Variants in MCTP2 observed in about 807,000 individuals in gnomAD.
MCTP2 encodes the protein multiple C2 and transmembrane domain-containing protein 2.
Under a neutral mutation model 111.6 loss-of-function variants are expected in MCTP2, and 132 were observed. The ratio of observed to expected loss-of-function variants is 1.18; its 90% CI spans 1.03 to 1.37. MCTP2 has a LOEUF of 1.37. Ranked by LOEUF, MCTP2 falls within the 40% of genes most tolerant of loss-of-function variation. The pLI is 0.00. For synonymous variants in MCTP2, 395 were observed against 387.7 expected, an observed-to-expected ratio of 1.02 and a Z score of -0.22; for missense variants, 1,183 against 1,067.9, an observed-to-expected ratio of 1.11 and a Z score of -1.50.
At chr15:94,287,058 G>C (rs556831141) in intron 1 of MCTP2, among the ~76,000 whole-genome samples, 1 of 152,124 alleles carries the variant, frequency 6.6e-6, no homozygotes, top group African/African-American at 2.4e-5. Context: ...AATATCCTTC[G>C]AGAGGAAGCA....
intron 1 of MCTP2, among the ~76,000 whole-genome samples, chr15:94,296,701 C>T (rs1382032776): frequency 6.6e-6 from 1 of 152,218 alleles, no homozygotes; most frequent in Non-Finnish European, 1.5e-5. Context: ...GTAATCTCGT[C>T]CCCACTGGGT....
chr15:94,323,550 G>A (rs2076718562), intron 4 of MCTP2, among the ~76,000 whole-genome samples: 1 of 152,176 alleles, frequency 6.6e-6, no homozygotes, highest in Admixed American at 6.5e-5. Flanking sequence ...TGAATCTTTG[G>A]CATGTGGGCC....
chr15:94,469,923 G>A lies in MCTP2; in HGVS notation c.2361-410G>A, dbSNP rs142459937. 2.0e-5 allele frequency among the ~76,000 whole-genome samples: 3 copies of A among 152,170 alleles called. No individual in the cohort carries two copies. In the East Asian group the frequency reaches 5.8e-4, roughly 29 times the overall value. ...TTCTCCCTTTTCTGGTAAAGGAAAG[G>A]TTACCATAATTACTAGTAACCGTGT... On this transcript the variant is annotated intron_variant, in intron 20 of 22. Transcript: ENST00000357742.
intron 17 of MCTP2, among the ~76,000 whole-genome samples, chr15:94,405,488 C>T (rs558409907): frequency 2.0e-5 from 3 of 152,264 alleles, no homozygotes; most frequent in African/African-American, 7.2e-5. Context: ...CATGGTGTCT[C>T]GTCAGAAGTG....
rs771094180 is a variant in MCTP2 at position 94,358,550 on chromosome 15, G to A, written c.1239G>A (p.Met413Ile). Residue 413 changes from methionine (M) to isoleucine (I), a missense_variant, in exon 10 of 23, where the codon ATG (methionine) becomes ATA (isoleucine). Physicochemically the swap from Met to Ile is conservative, Grantham distance 10 (BLOSUM62 1). Transcript: ENST00000357742. ...QFDFHYFSDR[M>I]GILDIEVWGK... ...ACTTTCACTACTTCTCTGACAGGATGGGCATTTTGGACATTGAAGTGTGGG... is the reference window on the plus strand; with the variant it reads ...ACTTTCACTACTTCTCTGACAGGATAGGCATTTTGGACATTGAAGTGTGGG... 3.1e-6 allele frequency: 5 copies of A among 1,613,738 alleles called. No homozygotes were observed. The African/African-American group carries it at 6.7e-5, about 22-fold the overall frequency.
At chr15:94,361,487 G>A (rs1230642627) in intron 10 of MCTP2, among the ~76,000 whole-genome samples, 1 of 152,032 alleles carries the variant, frequency 6.6e-6, no homozygotes, top group Non-Finnish European at 1.5e-5. Context: ...CTGTATAATG[G>A]GCTCACTCGC....
In MCTP2 at chr15:94,292,623, T is replaced by C. The variant is rs1022074421; in HGVS notation, c.-65-5578T>C. On this transcript the variant is annotated intron_variant, in intron 1 of 22. Transcript: ENST00000357742. ...TGAAAGAAATGAAGGAAGACCTAGA[T>C]AAATGAAGAGACCTGCCATGTGCTT... is the stretch of plus-strand genomic sequence containing the variant. Among the ~76,000 whole-genome samples, 3 of 152,216 alleles carry C rather than the reference T, an allele frequency of 2.0e-5. No homozygotes were observed. In the South Asian group the frequency reaches 6.2e-4, roughly 31 times the overall value.
intron 19 of MCTP2, among the ~76,000 whole-genome samples, chr15:94,444,668 A>G (rs149684429): frequency 1.3e-5 from 2 of 152,342 alleles, no homozygotes; most frequent in East Asian, 1.9e-4. Flanking sequence ...AGATGTTCGT[A>G]TCTCTCTTAT....
At chr15:94,414,436 T>A (rs936308950) in intron 17 of MCTP2, among the ~76,000 whole-genome samples, 1 of 152,216 alleles carries the variant, frequency 6.6e-6, no homozygotes, top group African/African-American at 2.4e-5. Context: ...AGTTCTCTGC[T>A]CTGTTAGCAG....
intron 10 of MCTP2, among the ~76,000 whole-genome samples, chr15:94,363,817 C>T (rs2079055388): frequency 6.6e-6 from 1 of 152,066 alleles, no homozygotes; most frequent in Non-Finnish European, 1.5e-5. Context: ...GAACGACTGT[C>T]CAAAGACATT....
chr15:94,363,046 A>G (rs1361158796), intron 10 of MCTP2, among the ~76,000 whole-genome samples: 3 of 152,208 alleles, frequency 2.0e-5, no homozygotes, highest in African/African-American at 7.2e-5. Flanking sequence ...ATTTATTTCA[A>G]TTCCTTTCCT....
At chr15:94,436,644 C>G (rs1042910195) in intron 17 of MCTP2, among the ~76,000 whole-genome samples, 2 of 152,214 alleles carry the variant, frequency 1.3e-5, no homozygotes, top group African/African-American at 4.8e-5. Context: ...ACAACCATCT[C>G]CTTAATACTG....
At chr15:94,257,326 G>A (rs2072841357) in intron 1 of MCTP2, among the ~76,000 whole-genome samples, 1 of 152,014 alleles carries the variant, frequency 6.6e-6, no homozygotes, top group South Asian at 2.1e-4. Flanking sequence ...TGACCACTGA[G>A]TTGATGAATT....
chr15:94,431,289 G>T (rs1298275770), intron 17 of MCTP2, among the ~76,000 whole-genome samples: 1 of 152,172 alleles, frequency 6.6e-6, no homozygotes, highest in Non-Finnish European at 1.5e-5. Flanking sequence ...CTAAATGAGA[G>T]AAAGGTATGT....
At chr15:94,305,380 A>T (rs1007209662) in intron 2 of MCTP2, among the ~76,000 whole-genome samples, 1 of 152,196 alleles carries the variant, frequency 6.6e-6, no homozygotes, top group Non-Finnish European at 1.5e-5. Flanking sequence ...GCCTCGGAGG[A>T]CGATCTCATT....
At chr15:94,317,716 A>G (rs1394428485) in intron 4 of MCTP2, among the ~76,000 whole-genome samples, 2 of 152,168 alleles carry the variant, frequency 1.3e-5, no homozygotes, top group Non-Finnish European at 2.9e-5. Context: ...ATGTCTCTGG[A>G]TATGGATTCT....
chr15:94,414,048 C>T (rs1482032309), intron 17 of MCTP2, among the ~76,000 whole-genome samples: 1 of 152,136 alleles, frequency 6.6e-6, no homozygotes, highest in African/African-American at 2.4e-5. Flanking sequence ...TGTACATTTT[C>T]AAGGTGGAGC....
chr15:94,396,694 C>T (rs977881449), intron 14 of MCTP2, among the ~76,000 whole-genome samples: 9 of 152,132 alleles, frequency 5.9e-5, no homozygotes, highest in Non-Finnish European at 1.0e-4. Flanking sequence ...ACTAGCATTT[C>T]TTCTTTCCTT....
At chr15:94,272,050 G>A (rs2073931835) in intron 1 of MCTP2, among the ~76,000 whole-genome samples, 1 of 152,168 alleles carries the variant, frequency 6.6e-6, no homozygotes, top group Non-Finnish European at 1.5e-5. Context: ...CTTTAAATGT[G>A]GTGATAATGT....
Sources: allele counts gnomAD v4.1 joint callset (sites outside exome capture counted in the v4.1 genomes callset), GRCh38; gene constraint gnomAD v4.1.1; transcripts MANE v1.5; gene names NCBI Gene and HGNC (gene_info 2026-07-23, HGNC 2026-07-21).